The following PLCL1 variants were observed in gnomAD, a reference collection of about 807,000 sequenced individuals.
The protein encoded by PLCL1 is inactive phospholipase C-like protein 1.
A neutral mutation model predicts 84.4 loss-of-function variants in PLCL1; 41 were observed. The observed-to-expected ratio is 0.49, with a 90% CI of 0.38 to 0.63. PLCL1 has a LOEUF of 0.63. Among genes scored for constraint, PLCL1 ranks in the 30% least tolerant of loss-of-function variants. The pLI, the probability that PLCL1 is intolerant of heterozygous loss-of-function variation, is 0.00. For synonymous variants in PLCL1, 490 were observed against 488.3 expected, an observed-to-expected ratio of 1.00 and a Z score of -0.05; for missense variants, 1,206 against 1,367.8, an observed-to-expected ratio of 0.88 and a Z score of 1.87.
At chr2:198,039,550 C>G (rs548124141) in intron 1 of PLCL1, among the ~76,000 whole-genome samples, 72 of 152,230 alleles carry the variant, frequency 4.7e-4, no homozygotes, top group Middle Eastern at 3.4e-3. Flanking sequence ...GGAGAAAGGA[C>G]TTCTATTTTT....
intron 1 of PLCL1, among the ~76,000 whole-genome samples, chr2:197,897,190 TC>T: frequency 2.7e-5 from 1 of 36,900 alleles, no homozygotes; most frequent in South Asian, 1.2e-3. Context: ...CTTCTTCTTC[TC>T]CTTCTCCTTC....
intron 2 of PLCL1, among the ~76,000 whole-genome samples, chr2:198,087,344 A>G (rs1450674466): frequency 1.3e-5 from 2 of 151,838 alleles, no homozygotes; most frequent in East Asian, 3.9e-4. Context: ...ATAATCTGAG[A>G]CAGTGGTAAA....
chr2:198,130,384 C>T (rs1694091405), intron 5 of PLCL1, among the ~76,000 whole-genome samples: 1 of 152,152 alleles, frequency 6.6e-6, no homozygotes, highest in Non-Finnish European at 1.5e-5. Context: ...TCTCACTCCA[C>T]CTTCTGTCCC....
At chr2:198,101,485 A>G in intron 4 of PLCL1, 125 bp downstream of exon 4, 1 of 612,602 alleles carries the variant, frequency 1.6e-6, no homozygotes, top group Admixed American at 3.0e-5. Flanking sequence ...TTTTATAGCA[A>G]TGCTTAACTA....
chr2:198,015,800 A>G (rs1179104010), intron 1 of PLCL1, among the ~76,000 whole-genome samples: 1 of 152,184 alleles, frequency 6.6e-6, no homozygotes, highest in Non-Finnish European at 1.5e-5. Context: ...TGATAAATGA[A>G]GTTGTTGCAG....
chr2:198,086,113 G>A lies in PLCL1; in HGVS notation c.2596G>A (p.Gly866Arg). Residue 866 changes from glycine to arginine, a missense_variant, in exon 2 of 6, where the codon GGG becomes AGG. By Grantham distance (125) the Gly-to-Arg change is moderately radical. Coordinates refer to ENST00000428675, the MANE Select transcript of PLCL1 (RefSeq NM_006226.4). Reference sequence around the variant, plus strand: ...GAAGCGCAGTCTTTCAGTGAGAATGGGGAAGAAAGTTCGGGAATATACCAT... The same window carrying A: ...GAAGCGCAGTCTTTCAGTGAGAATGAGGAAGAAAGTTCGGGAATATACCAT... ...AQKRSLSVRM[G>R]KKVREYTMLR... 1 of 1,613,984 alleles carries A rather than the reference G, an allele frequency of 6.2e-7. No homozygotes were observed. Among genetic ancestry groups the A allele is most frequent in the Non-Finnish European group, 8.5e-7 (1 of 1,179,956 alleles).
At chr2:198,116,469 A>T (rs2105924123) in intron 5 of PLCL1, among the ~76,000 whole-genome samples, 1 of 151,988 alleles carries the variant, frequency 6.6e-6, no homozygotes, top group South Asian at 2.1e-4. Context: ...TTAAGGAAAA[A>T]CTCATGGCCT....
At chr2:197,966,683 A>G (rs890994076) in intron 1 of PLCL1, among the ~76,000 whole-genome samples, 3 of 152,058 alleles carry the variant, frequency 2.0e-5, no homozygotes, top group Non-Finnish European at 4.4e-5. Context: ...CTCTTTCACC[A>G]ATATGAAGTT....
At position 198,049,060 on chromosome 2, in the gene PLCL1, C is replaced by T. The variant is rs572588510; in HGVS notation, c.241-34698C>T. 4.6e-5 allele frequency among the ~76,000 whole-genome samples: 7 copies of T among 152,278 alleles called. No homozygotes were observed. The South Asian group carries it at 1.5e-3, about 32-fold the overall frequency. On this transcript the variant is annotated intron_variant, in intron 1 of 5. Transcript: ENST00000428675. ...AAGGGAACTAAGGTACCACTTGGGT[C>T]AGCCTAGTTTCTGTGATTCCGTTAC...
At chr2:197,813,528 A>C (rs909256878) in intron 1 of PLCL1, among the ~76,000 whole-genome samples, 3 of 152,128 alleles carry the variant, frequency 2.0e-5, no homozygotes, top group Admixed American at 6.5e-5. Context: ...TATTAATAGT[A>C]AGTAGCTTTA....
intron 1 of PLCL1, among the ~76,000 whole-genome samples, chr2:198,046,792 T>G (rs773517820): frequency 6.6e-6 from 1 of 152,108 alleles, no homozygotes; most frequent in African/African-American, 2.4e-5. Flanking sequence ...TGAGCTGTGA[T>G]TGAGCCCCTG....
intron 1 of PLCL1, among the ~76,000 whole-genome samples, chr2:197,815,087 C>T (rs1690661856): frequency 6.6e-6 from 1 of 152,108 alleles, no homozygotes; most frequent in South Asian, 2.1e-4. Flanking sequence ...ACTAAAAAAC[C>T]TCAAATTAGA....
intron 1 of PLCL1, among the ~76,000 whole-genome samples, chr2:197,853,035 C>T (rs1398688902): frequency 6.6e-6 from 1 of 152,098 alleles, no homozygotes; most frequent in Non-Finnish European, 1.5e-5. Flanking sequence ...CTCCTTTCTC[C>T]ACTCCCTGGT....
At chr2:197,828,814 C>G (rs1035369972) in intron 1 of PLCL1, among the ~76,000 whole-genome samples, 1 of 152,140 alleles carries the variant, frequency 6.6e-6, no homozygotes. Flanking sequence ...AACAGAATGT[C>G]TTTAACTGTC....
chr2:197,846,862 A>G (rs1438446905), intron 1 of PLCL1, among the ~76,000 whole-genome samples: 1 of 152,132 alleles, frequency 6.6e-6, no homozygotes, highest in African/African-American at 2.4e-5. Flanking sequence ...GGGATGTTTT[A>G]TGGGTTTAAT....
At position 197,954,003 on chromosome 2, in the gene PLCL1, C is replaced by T. The variant is rs181141281; in HGVS notation, c.241-129755C>T. On this transcript the variant is annotated intron_variant, in intron 1 of 5. Transcript: ENST00000428675. ...ATGGGACAGAACTGAAATAATTTTG[C>T]CCTGTGTGTACATGGCTGTTTGTTT... Among the ~76,000 whole-genome samples the T allele has an allele frequency of 2.6e-5, 4 of 152,152 alleles. No homozygotes were observed. The East Asian group carries it at 7.8e-4, about 30-fold the overall frequency.
intron 1 of PLCL1, among the ~76,000 whole-genome samples, chr2:197,817,399 C>T (rs1176684957): frequency 6.6e-6 from 1 of 151,858 alleles, no homozygotes; most frequent in Non-Finnish European, 1.5e-5. Flanking sequence ...TGTATACTTA[C>T]GCCAGGCATA....
At chr2:198,060,398 G>C (rs950023041) in intron 1 of PLCL1, among the ~76,000 whole-genome samples, 1 of 152,182 alleles carries the variant, frequency 6.6e-6, no homozygotes, top group Non-Finnish European at 1.5e-5. Context: ...ATTTAGCAAA[G>C]ACATATAAAC....
chr2:198,134,080 G>A (rs1304682826), intron 5 of PLCL1, among the ~76,000 whole-genome samples: 1 of 152,012 alleles, frequency 6.6e-6, no homozygotes, highest in Non-Finnish European at 1.5e-5. Context: ...TGAAAAATTG[G>A]GAAATATGGA....
Sources: allele counts gnomAD v4.1 joint callset (sites outside exome capture counted in the v4.1 genomes callset), GRCh38; gene constraint gnomAD v4.1.1; transcripts MANE v1.5; gene names NCBI Gene and HGNC (gene_info 2026-07-23, HGNC 2026-07-21).